The following PDK1 variants were observed in gnomAD, a reference collection of about 807,000 sequenced individuals.
PDK1 encodes pyruvate dehydrogenase kinase 1.
A neutral mutation model predicts 54.2 loss-of-function variants in PDK1; 39 were observed. That is an observed-to-expected ratio of 0.72 (90% CI 0.56 to 0.94). PDK1 has a LOEUF of 0.94. PDK1 is among the 40% of genes least tolerant of loss of function. The probability of loss-of-function intolerance (pLI) is 0.00; values close to 1 mark genes in which losing one functional copy is unlikely to be tolerated. For missense variants in PDK1, 552 were observed against 566.0 expected (o/e 0.98, Z 0.25); for synonymous variants, 221 against 207.1 (o/e 1.07, Z -0.58).
Position 172,567,045 on chromosome 2 carries a change from G to A in PDK1, c.769+112G>A, listed in dbSNP as rs1574476402. The A allele has an allele frequency of 7.5e-6, 5 of 662,724 alleles. No homozygotes were observed. In the East Asian group the frequency reaches 1.3e-4, roughly 17 times the overall value. 41.1% of individuals were successfully genotyped at this position (662,724 alleles called of 1,614,324 possible). A position where few individuals can be genotyped will look rare whatever the true frequency, so the allele number is the denominator to read the frequency against. On this transcript the variant is annotated intron_variant, in intron 6 of 10. Transcript: ENST00000282077. Reference sequence around the variant, plus strand: ...ACTTTTTATCAACTTCGTTGGATATGAAGGCTAAAGGATAGTAATCATGTA... The same window carrying A: ...ACTTTTTATCAACTTCGTTGGATATAAAGGCTAAAGGATAGTAATCATGTA...
downstream of PDK1, among the ~76,000 whole-genome samples, chr2:172,613,472 T>TA (rs1691525695): frequency 1.3e-5 from 2 of 151,938 alleles, no homozygotes; most frequent in African/African-American, 4.8e-5. Flanking sequence ...CTTTTTTTTT[T>TA]AAGAGATGGA....
the PDK1 span, among the ~76,000 whole-genome samples, chr2:172,707,816 A>G: frequency 6.6e-6 from 1 of 152,246 alleles, no homozygotes; most frequent in Non-Finnish European, 1.5e-5. Context: ...GGGACCACAC[A>G]TTTGTTGTAG....
the PDK1 span, among the ~76,000 whole-genome samples, chr2:172,676,132 G>A: frequency 6.6e-6 from 1 of 152,120 alleles, no homozygotes; most frequent in African/African-American, 2.4e-5. Flanking sequence ...CTGATTGACA[G>A]TGCACCTAGT....
intron 8 of PDK1, among the ~76,000 whole-genome samples, chr2:172,575,047 C>A (rs995732788): frequency 6.6e-6 from 1 of 151,950 alleles, no homozygotes; most frequent in Non-Finnish European, 1.5e-5. Flanking sequence ...TGCCTGTATT[C>A]TTAGTTTGAG....
chr2:172,582,585 G>A (rs775030989), intron 8 of PDK1, among the ~76,000 whole-genome samples: 6 of 152,258 alleles, frequency 3.9e-5, no homozygotes, highest in African/African-American at 7.2e-5. Context: ...ATAAGGTTTC[G>A]TGTTAGTTTT....
In PDK1 at chr2:172,605,985, A is replaced by G. The variant is rs918158597; in HGVS notation, c.*10016A>G. The G allele has an allele frequency of 2.0e-5, 3 of 152,036 alleles. No individual in the cohort carries two copies. The highest frequency in any genetic ancestry group is 7.3e-5 in the African/African-American group (3 of 41,366). The allele number at this position is 152,036 out of a possible 1,614,324, so 9.4% of individuals were successfully genotyped here. A position where few individuals can be genotyped will look rare whatever the true frequency, so the allele number is the denominator to read the frequency against. On this transcript the variant is annotated 3_prime_UTR_variant, in exon 11 of 11. Transcript: ENST00000282077. Reference sequence around the variant, plus strand: ...TCCCAAACTCCATGAGCCAGATTTTATACATACTTTGCGTGACCATAAAAC... The same window carrying G: ...TCCCAAACTCCATGAGCCAGATTTTGTACATACTTTGCGTGACCATAAAAC...
At chr2:172,639,081 G>T in the PDK1 span, among the ~76,000 whole-genome samples, 1 of 152,132 alleles carries the variant, frequency 6.6e-6, no homozygotes, top group Non-Finnish European at 1.5e-5. Flanking sequence ...GTGCAGACTG[G>T]TCTCAAACTC....
the PDK1 span, among the ~76,000 whole-genome samples, chr2:172,662,493 C>CGTGTGTGTGTGTGTGT: frequency 0.2 from 28,536 of 143,356 alleles, 3,156 homozygotes; most frequent in East Asian, 0.36. Flanking sequence ...TTTTTAAAAT[C>CGTGTGTGTGTGTGTGT]GTGTGTGTGT....
chr2:172,671,591 T>G, the PDK1 span, among the ~76,000 whole-genome samples: 1 of 151,674 alleles, frequency 6.6e-6, no homozygotes, highest in Admixed American at 6.6e-5. Context: ...GGTTGTGAAG[T>G]TTCTTTGTAA....
At chr2:172,689,346 A>C in the PDK1 span, among the ~76,000 whole-genome samples, 1 of 152,174 alleles carries the variant, frequency 6.6e-6, no homozygotes, top group African/African-American at 2.4e-5. Context: ...AAGGAAATAA[A>C]ACAGGACACA....
chr2:172,700,426 T>C, the PDK1 span, among the ~76,000 whole-genome samples: 1 of 144,718 alleles, frequency 6.9e-6, no homozygotes, highest in African/African-American at 2.7e-5. Context: ...GCAGAGGCGC[T>C]CCCCACATCC....
intron 8 of PDK1, among the ~76,000 whole-genome samples, chr2:172,585,316 A>ATTTTTTTTTTTTTTTT (rs538241255): frequency 9.7e-6 from 1 of 103,302 alleles, no homozygotes; most frequent in Non-Finnish European, 1.9e-5. Context: ...TGCATTTTTA[A>ATTTTTTTTTTTTTTTT]TTTTTTTTTT....
intron 8 of PDK1, among the ~76,000 whole-genome samples, chr2:172,573,720 T>C (rs1336057037): frequency 1.3e-5 from 2 of 151,992 alleles, no homozygotes; most frequent in African/African-American, 2.4e-5. Context: ...GATTTGCAAG[T>C]ATATTCTCCC....
chr2:172,687,952 C>A, the PDK1 span, among the ~76,000 whole-genome samples: 12 of 152,234 alleles, frequency 7.9e-5, no homozygotes, highest in African/African-American at 2.9e-4. Flanking sequence ...TCCCCCTGCA[C>A]AGGGATCCCC....
At chr2:172,698,461 C>A in the PDK1 span, among the ~76,000 whole-genome samples, 2 of 152,234 alleles carry the variant, frequency 1.3e-5, no homozygotes, top group Admixed American at 6.5e-5. Flanking sequence ...GAGCCTCCTA[C>A]CCCTCAGGAA....
Position 172,603,721 on chromosome 2 carries a change from G to A in PDK1, c.*7752G>A, listed in dbSNP as rs1452578722. The A allele has an allele frequency of 6.6e-6, 1 of 152,176 alleles. No individual in the cohort carries two copies. Among genetic ancestry groups the A allele is most frequent in the Non-Finnish European group, 1.5e-5 (1 of 68,036 alleles). 9.4% of individuals were successfully genotyped at this position (152,176 alleles called of 1,614,324 possible). On this transcript the variant is annotated 3_prime_UTR_variant, in exon 11 of 11. Transcript: ENST00000282077. ...AATGTCGATGTGGATCTAGTCTCCA[G>A]GGTTAGATCCAGGCAGGTAACATCA...
chr2:172,699,023 A>T, the PDK1 span, among the ~76,000 whole-genome samples: 1 of 152,346 alleles, frequency 6.6e-6, no homozygotes, highest in East Asian at 1.9e-4. Flanking sequence ...TTATGTGAAG[A>T]ATGCATGTTT....
In PDK1 at chr2:172,599,763, C is replaced by T. The variant is rs781460350; in HGVS notation, c.*3794C>T. The T allele has an allele frequency of 1.4e-4, 21 of 152,178 alleles. No individual in the cohort carries two copies. The highest frequency in any genetic ancestry group is 2.8e-4 in the Non-Finnish European group (19 of 68,026). The allele number at this position is 152,178 out of a possible 1,614,324, so 9.4% of individuals were successfully genotyped here. A position where few individuals can be genotyped will look rare whatever the true frequency, so the allele number is the denominator to read the frequency against. On this transcript the variant is annotated 3_prime_UTR_variant, in exon 11 of 11. Transcript: ENST00000282077. ...CACCCCCCTCTTTCTAGAGTCTCCA[C>T]AGTTCTTTAGCAATTGCTAACCATA... is the stretch of plus-strand genomic sequence containing the variant.
chr2:172,672,387 T>C, the PDK1 span, among the ~76,000 whole-genome samples: 1 of 152,180 alleles, frequency 6.6e-6, no homozygotes, highest in Admixed American at 6.5e-5. Flanking sequence ...GTAAATTTGT[T>C]TATTTCACCA....
Sources: gnomAD v4.1 joint callset for allele counts (sites outside exome capture counted in the v4.1 genomes callset) on GRCh38, gnomAD v4.1.1 for gene constraint, MANE v1.5 for transcripts, NCBI Gene and HGNC (gene_info 2026-07-23, HGNC 2026-07-21) for gene names.